CDH4: variants seen among roughly 807,000 people sequenced by gnomAD.
CDH4 encodes cadherin 4.
A neutral mutation model predicts 86.0 loss-of-function variants in CDH4; 33 were observed. The observed-to-expected ratio is 0.38, with a 90% CI of 0.29 to 0.51. CDH4 has a LOEUF of 0.51. CDH4 is among the 20% of genes least tolerant of loss of function. The pLI, the probability that CDH4 is intolerant of heterozygous loss-of-function variation, is 0.86. For missense variants in CDH4, 1,114 were observed against 1,307.4 expected (o/e 0.85, Z 2.28); for synonymous variants, 555 against 549.4 (o/e 1.01, Z -0.14).
At chr20:61,746,057 T>G (rs1210656849) in intron 3 of CDH4, among the ~76,000 whole-genome samples, 1 of 151,972 alleles carries the variant, frequency 6.6e-6, no homozygotes, top group African/African-American at 2.4e-5. Flanking sequence ...TGTCCCAGGC[T>G]CAGCGCACCC....
chr20:61,654,004 C>G (rs1427648938), intron 2 of CDH4, among the ~76,000 whole-genome samples: 1 of 152,000 alleles, frequency 6.6e-6, no homozygotes, highest in African/African-American at 2.4e-5. Flanking sequence ...AGAGACGCTC[C>G]TCACTTCCCA....
chr20:61,631,032 G>A (rs1035782565), intron 2 of CDH4, among the ~76,000 whole-genome samples: 1 of 152,238 alleles, frequency 6.6e-6, no homozygotes, highest in African/African-American at 2.4e-5. Flanking sequence ...GACATTGACT[G>A]AGGAATGAGA....
chr20:61,374,018 G>A (rs752906270), intron 2 of CDH4, among the ~76,000 whole-genome samples: 2 of 152,160 alleles, frequency 1.3e-5, no homozygotes, highest in Non-Finnish European at 2.9e-5. Context: ...CACGGCGGGT[G>A]TGGAGGGTTT....
In CDH4 at chr20:61,692,203, G is replaced by A. The variant is rs139120673; in HGVS notation, c.170-51360G>A. 2.0e-4 allele frequency among the ~76,000 whole-genome samples: 30 copies of A among 149,266 alleles called. No homozygotes were observed. In the East Asian group the frequency reaches 3.9e-3, roughly 19 times the overall value. ...TATATGTGTCTGTATATGTTTGTGT[G>A]TATGTCTATGTATGTATGTGTGTAT... On this transcript the variant is annotated intron_variant, in intron 2 of 15. Transcript: ENST00000614565.
chr20:61,920,399 T>G (rs1421169386), intron 9 of CDH4, among the ~76,000 whole-genome samples: 1 of 127,980 alleles, frequency 7.8e-6, no homozygotes, highest in Non-Finnish European at 1.6e-5. Context: ...GCGGTGATTG[T>G]GTGGAAGTGT....
intron 2 of CDH4, among the ~76,000 whole-genome samples, chr20:61,380,523 A>ACCCCCCCCCCCCCCCCC (rs141105277): frequency 2.4e-4 from 35 of 148,932 alleles, no homozygotes; most frequent in African/African-American, 3.5e-4. Flanking sequence ...CCATCCTACA[A>ACCCCCCCCCCCCCCCCC]ACCCCCCTGC....
chr20:61,598,529 G>A (rs1292306991), intron 2 of CDH4, among the ~76,000 whole-genome samples: 2 of 152,194 alleles, frequency 1.3e-5, no homozygotes, highest in African/African-American at 4.8e-5. Flanking sequence ...GACCTGAGTG[G>A]CCGAAACAGG....
chr20:61,463,754 G>A (rs1350514648), intron 2 of CDH4, among the ~76,000 whole-genome samples: 1 of 152,220 alleles, frequency 6.6e-6, no homozygotes, highest in African/African-American at 2.4e-5. Flanking sequence ...ACAGGGGAGA[G>A]AGACTGAACT....
chr20:61,470,575 A>G (rs1009405388), intron 2 of CDH4, among the ~76,000 whole-genome samples: 21 of 152,254 alleles, frequency 1.4e-4, no homozygotes, highest in Middle Eastern at 3.4e-3. Flanking sequence ...ACTCTGTTGA[A>G]TAAGAGTAGT....
At chr20:61,776,776 G>A (rs1012209152) in intron 4 of CDH4, among the ~76,000 whole-genome samples, 3 of 152,196 alleles carry the variant, frequency 2.0e-5, no homozygotes, top group African/African-American at 4.8e-5. Flanking sequence ...TGAGCGTCTC[G>A]GGACTGGCGA....
intron 4 of CDH4, among the ~76,000 whole-genome samples, chr20:61,777,756 G>T (rs542560624): frequency 6.7e-6 from 1 of 148,336 alleles, no homozygotes; most frequent in African/African-American, 2.5e-5. Context: ...ACCCACATGC[G>T]CACACACGTG....
At chr20:61,630,143 C>T in intron 2 of CDH4, among the ~76,000 whole-genome samples, 1 of 152,212 alleles carries the variant, frequency 6.6e-6, no homozygotes, top group East Asian at 1.9e-4. Flanking sequence ...GCAAATCCAC[C>T]CCAGTCCCTC....
At chr20:61,627,932 G>A (rs1484824601) in intron 2 of CDH4, among the ~76,000 whole-genome samples, 2 of 152,002 alleles carry the variant, frequency 1.3e-5, no homozygotes, top group Admixed American at 6.5e-5. Flanking sequence ...CAGGCCAGCC[G>A]CCTCCTGGGC....
In CDH4 at chr20:61,623,321, C is replaced by A. The variant is rs956301966; in HGVS notation, c.170-120242C>A. 1.3e-5 allele frequency among the ~76,000 whole-genome samples: 2 copies of A among 152,136 alleles called. No individual in the cohort carries two copies. The highest frequency in any genetic ancestry group is 2.9e-5 in the Non-Finnish European group (2 of 68,012). Reference sequence around the variant, plus strand: ...AGACAGCTGCTGGTTTCCGTGGCTGCCTTCCTAGGGGAGCATGGTGACAGC... The same window carrying A: ...AGACAGCTGCTGGTTTCCGTGGCTGACTTCCTAGGGGAGCATGGTGACAGC... On this transcript the variant is annotated intron_variant, in intron 2 of 15. Coordinates refer to ENST00000614565, the MANE Select transcript of CDH4 (RefSeq NM_001794.5). This position sits in a 1 kb window ranked among gnomAD's most constrained non-coding sequence, Gnocchi z 4.4.
intron 4 of CDH4, among the ~76,000 whole-genome samples, chr20:61,799,539 G>A (rs1979721859): frequency 6.6e-6 from 1 of 152,184 alleles, no homozygotes; most frequent in Non-Finnish European, 1.5e-5. Flanking sequence ...CACCCTTTGT[G>A]GTCTGGAGAG....
intron 8 of CDH4, among the ~76,000 whole-genome samples, chr20:61,901,474 CCCAGGTGGCTCCCAG>C (rs2054725783): frequency 6.6e-6 from 1 of 152,256 alleles, no homozygotes; most frequent in Non-Finnish European, 1.5e-5. Context: ...TGGCTGTGTC[CCCAGGTGGCTCCCAG>C]CCCCGTCGGG....
At chr20:61,910,128 G>A (rs768626140) in intron 8 of CDH4, among the ~76,000 whole-genome samples, 8 of 151,586 alleles carry the variant, frequency 5.3e-5, no homozygotes, top group Non-Finnish European at 1.0e-4. Flanking sequence ...GTGAACACTC[G>A]TTGAGCTGGG....
chr20:61,539,940 C>T (rs923024704), intron 2 of CDH4, among the ~76,000 whole-genome samples: 1 of 152,230 alleles, frequency 6.6e-6, no homozygotes, highest in Non-Finnish European at 1.5e-5. Context: ...TGTGTGCTCA[C>T]CACATTCCCT....
At chr20:61,331,637 A>ACCTGCCCCCGCCAACTGCCCCAGG (rs2084577257) in intron 2 of CDH4, among the ~76,000 whole-genome samples, 1 of 6,646 alleles carries the variant, frequency 1.5e-4, no homozygotes, top group Admixed American at 1.8e-3. Context: ...CCTGCCCCAG[A>ACCTGCCCCCGCCAACTGCCCCAGG]CCCACCTCCC....
Sources: allele counts gnomAD v4.1 joint callset (sites outside exome capture counted in the v4.1 genomes callset), GRCh38; gene constraint gnomAD v4.1.1; non-coding constraint Gnocchi (gnomAD v3.1); transcripts MANE v1.5; gene names NCBI Gene and HGNC (gene_info 2026-07-23, HGNC 2026-07-21).